Variants in RGS7 observed in about 807,000 individuals in gnomAD.
The protein encoded by RGS7 is regulator of G-protein signaling 7.
A neutral mutation model predicts 81.1 loss-of-function variants in RGS7; 27 were observed. The observed-to-expected ratio is 0.33, with a 90% CI of 0.25 to 0.46. The LOEUF (loss-of-function observed/expected upper bound fraction) is 0.46. Among genes scored for constraint, RGS7 ranks in the 20% least tolerant of loss-of-function variants. The pLI is 1.00. For synonymous variants in RGS7, 208 were observed against 207.7 expected (o/e 1.00, Z -0.01); for missense variants, 396 against 607.4 (o/e 0.65, Z 3.66).
At chr1:240,967,574 G>GT (rs1283015846) in intron 4 of RGS7, among the ~76,000 whole-genome samples, 6 of 131,356 alleles carry the variant, frequency 4.6e-5, no homozygotes, top group South Asian at 2.6e-4. Flanking sequence ...GAAGTGGGGG[G>GT]GGGGGGGAAA....
intron 4 of RGS7, among the ~76,000 whole-genome samples, chr1:240,973,511 A>T (rs1259537010): frequency 2.4e-5 from 3 of 126,386 alleles, no homozygotes; most frequent in African/African-American, 7.6e-5. Flanking sequence ...CTGACTCTCA[A>T]AGAAAAAAAA....
chr1:240,855,029 A>G (rs929003552), intron 9 of RGS7, among the ~76,000 whole-genome samples: 1 of 152,160 alleles, frequency 6.6e-6, no homozygotes, highest in Non-Finnish European at 1.5e-5. Flanking sequence ...TTCAGAGTAT[A>G]AATGTGACAT....
At position 241,098,646 on chromosome 1, in the gene RGS7, T is replaced by G; in HGVS notation, c.175+20A>C. On this transcript the variant is annotated intron_variant, in intron 3 of 18. Transcript: ENST00000440928. ...TAAGAGGTACAGGAGAAAACAGAAC[T>G]GTGCTCCATGCAGACTTACCAGAGA... 1.3e-6 allele frequency: 2 copies of G among 1,534,626 alleles called. No individual in the cohort carries two copies. The highest frequency in any genetic ancestry group is 1.4e-5 in the African/African-American group (1 of 73,404).
At chr1:241,051,949 T>A (rs1169287376) in intron 3 of RGS7, among the ~76,000 whole-genome samples, 1 of 152,156 alleles carries the variant, frequency 6.6e-6, no homozygotes, top group Non-Finnish European at 1.5e-5. Flanking sequence ...TGTGGCGCAG[T>A]CAGTCCTCAA....
At chr1:241,057,484 T>C (rs80013284) in intron 3 of RGS7, among the ~76,000 whole-genome samples, 5,957 of 152,278 alleles carry the variant, frequency 0.039, 126 homozygotes, top group Middle Eastern at 0.061. Context: ...ATTTTACATA[T>C]GAGGAGAATG....
intron 6 of RGS7, among the ~76,000 whole-genome samples, chr1:240,926,553 ATG>A (rs1288328051): frequency 2.6e-5 from 4 of 152,108 alleles, no homozygotes; most frequent in Non-Finnish European, 5.9e-5. Flanking sequence ...TTTGTGTGCA[ATG>A]TGTGTGTCCA....
chr1:241,165,209 C>A (rs555352849), intron 2 of RGS7, among the ~76,000 whole-genome samples: 1 of 152,182 alleles, frequency 6.6e-6, no homozygotes, highest in African/African-American at 2.4e-5. Context: ...AAGTAGCATA[C>A]ACACATATGC....
intron 2 of RGS7, among the ~76,000 whole-genome samples, chr1:241,259,244 A>C (rs1476663014): frequency 6.6e-6 from 1 of 152,176 alleles, no homozygotes; most frequent in African/African-American, 2.4e-5. Flanking sequence ...GGTATTGATT[A>C]GGCATTATCC....
intron 6 of RGS7, among the ~76,000 whole-genome samples, chr1:240,888,868 C>T: frequency 6.6e-6 from 1 of 152,124 alleles, no homozygotes; most frequent in South Asian, 2.1e-4. Context: ...AACGCGGAGG[C>T]AGAGAGAGGG....
chr1:240,994,563 T>C (rs746814853), intron 3 of RGS7, among the ~76,000 whole-genome samples: 6 of 152,134 alleles, frequency 3.9e-5, no homozygotes, highest in Non-Finnish European at 7.4e-5. Context: ...TAGAAGGTTT[T>C]TTTGCAGATA....
At chr1:241,116,280 G>A (rs981665612) in intron 2 of RGS7, among the ~76,000 whole-genome samples, 2 of 152,060 alleles carry the variant, frequency 1.3e-5, no homozygotes, top group African/African-American at 4.8e-5. Context: ...ATAGAATACA[G>A]TGAGCCACAG....
intron 2 of RGS7, among the ~76,000 whole-genome samples, chr1:241,316,056 C>T (rs1374327456): frequency 6.6e-6 from 1 of 152,214 alleles, no homozygotes; most frequent in Non-Finnish European, 1.5e-5. Flanking sequence ...TCCTACTCTA[C>T]TTTCATAACA....
chr1:240,781,931 C>A (rs1015968112), intron 18 of RGS7, among the ~76,000 whole-genome samples: 5 of 152,072 alleles, frequency 3.3e-5, no homozygotes, highest in Non-Finnish European at 7.3e-5. Context: ...AGGAGAATCA[C>A]CTGAACCTGG....
At chr1:241,300,722 A>C (rs1558290544) in intron 2 of RGS7, among the ~76,000 whole-genome samples, 1 of 152,236 alleles carries the variant, frequency 6.6e-6, no homozygotes, top group East Asian at 1.9e-4. Context: ...TGCTATAAAC[A>C]CTTGTGCACA....
At chr1:241,129,407 T>C (rs947503486) in intron 2 of RGS7, among the ~76,000 whole-genome samples, 4 of 151,888 alleles carry the variant, frequency 2.6e-5, no homozygotes, top group East Asian at 3.9e-4. Flanking sequence ...ATTCTGACTC[T>C]ACATTCATCA....
chr1:241,274,958 A>C (rs1198469901), intron 2 of RGS7, among the ~76,000 whole-genome samples: 1 of 152,256 alleles, frequency 6.6e-6, no homozygotes, highest in Non-Finnish European at 1.5e-5. Flanking sequence ...GATTATTCAA[A>C]TTAACTTTGG....
chr1:241,290,806 T>C (rs1573527251), intron 2 of RGS7, among the ~76,000 whole-genome samples: 1 of 152,138 alleles, frequency 6.6e-6, no homozygotes, highest in East Asian at 1.9e-4. Context: ...TGACAGCAAA[T>C]ATCTCATGAA....
chr1:240,970,384 T>G (rs34124159), intron 4 of RGS7, among the ~76,000 whole-genome samples: 1 of 152,034 alleles, frequency 6.6e-6, no homozygotes, highest in Non-Finnish European at 1.5e-5. Context: ...GCAGAGCAAT[T>G]GGATAATTAT....
rs143893045 is a variant in RGS7, at chr1:241,084,150, G to A, written c.175+14516C>T. ...CAAGTTTGCTCCTTCTTACATGTACGACTGCCCCTGTGACAAGTTTAAGCC... is the reference window on the plus strand; with the variant it reads ...CAAGTTTGCTCCTTCTTACATGTACAACTGCCCCTGTGACAAGTTTAAGCC... On this transcript the variant is annotated intron_variant, in intron 3 of 18. Transcript: ENST00000440928. Among the ~76,000 whole-genome samples the A allele has an allele frequency of 8.4e-4, 128 of 152,212 alleles. 1 individual carries two copies. The highest frequency in any genetic ancestry group is 3.0e-3 in the African/African-American group (124 of 41,536).
Sources: allele counts gnomAD v4.1 joint callset (sites outside exome capture counted in the v4.1 genomes callset), GRCh38; gene constraint gnomAD v4.1.1; transcripts MANE v1.5; gene names NCBI Gene and HGNC (gene_info 2026-07-23, HGNC 2026-07-21).